TBC1D30: variants seen among roughly 807,000 people sequenced by gnomAD.
TBC1D30 encodes TBC1 domain family, member 30.
TBC1D30 carries 31 observed loss-of-function variants against 63.2 expected under a neutral mutation model. The observed-to-expected ratio is 0.49, with a 90% CI of 0.37 to 0.66. The LOEUF is 0.66. Among genes scored for constraint, TBC1D30 ranks in the 30% least tolerant of loss-of-function variants. The pLI, the probability that TBC1D30 is intolerant of heterozygous loss-of-function variation, is 0.00. For missense variants in TBC1D30, 810 were observed against 953.6 expected, an observed-to-expected ratio of 0.85 and a Z score of 1.98; for synonymous variants, 307 against 361.5, an observed-to-expected ratio of 0.85 and a Z score of 1.71.
At chr12:64,825,754 G>A (rs1473964103) in intron 1 of TBC1D30, among the ~76,000 whole-genome samples, 1 of 152,220 alleles carries the variant, frequency 6.6e-6, no homozygotes, top group Non-Finnish European at 1.5e-5. Flanking sequence ...CCTAGCGCGG[G>A]CTCCTGGGCA....
intron 1 of TBC1D30, chr12:64,768,637 G>C (rs931529): frequency 0.69 from 105,556 of 152,168 alleles, 38,134 homozygotes; most frequent in African/African-American, 0.9. Flanking sequence ...CCTGCCTGGC[G>C]TGCAAATTCA....
At chr12:64,815,833 T>C (rs1267595066) in intron 2 of TBC1D30, among the ~76,000 whole-genome samples, 4 of 151,926 alleles carry the variant, frequency 2.6e-5, no homozygotes, top group African/African-American at 7.3e-5. Flanking sequence ...TCACCAAGGC[T>C]GGTAGTATGG....
At chr12:64,870,211 GT>G (rs1157364689) in intron 10 of TBC1D30, among the ~76,000 whole-genome samples, 1 of 152,170 alleles carries the variant, frequency 6.6e-6, no homozygotes, top group Non-Finnish European at 1.5e-5. Context: ...AACCAATTCT[GT>G]ATAAATCCTC....
chr12:64,845,715 A>C (rs1245046551), intron 8 of TBC1D30, among the ~76,000 whole-genome samples: 3 of 115,580 alleles, frequency 2.6e-5, no homozygotes, highest in Non-Finnish European at 5.4e-5. Flanking sequence ...AACAAGAGTG[A>C]GACTCCGTCT....
upstream of TBC1D30, among the ~76,000 whole-genome samples, chr12:64,779,972 T>C (rs189335183): frequency 1.1e-3 from 168 of 152,334 alleles, no homozygotes; most frequent in Non-Finnish European, 2.0e-3. Flanking sequence ...CGAGTTCTAT[T>C]GAGGTCTAGT....
rs770118592 is a variant in TBC1D30, at chr12:64,875,531, C to A, written c.2029C>A (p.Pro677Thr). ...TGAAACTGAGCTCAGGGTGCACCCACCCTGCCAGCGGCACTGCCCAGAGCC... is the reference window on the plus strand; with the variant it reads ...TGAAACTGAGCTCAGGGTGCACCCAACCTGCCAGCGGCACTGCCCAGAGCC... ...AAETELRVHP[P>T]CQRHCPEPPS... Residue 677 changes from proline to threonine, a missense_variant, in exon 12 of 12, where the codon CCC (proline) becomes ACC (threonine). Pro to Thr is a conservative substitution (Grantham distance 38, BLOSUM62 -1). This residue lies in a region of TBC1D30 where 450 missense variants were observed against 473.0 expected (regional missense o/e 0.95). Transcript: ENST00000539867. The A allele has an allele frequency of 1.3e-5, 20 of 1,536,144 alleles. 2 individuals are homozygous for A. The South Asian group carries it at 2.4e-4, about 18-fold the overall frequency.
Position 64,878,868 on chromosome 12 carries a change from TAGAG to T in TBC1D30, c.*3083_*3086del, listed in dbSNP as rs1328475095. ...AATATGAGTAAGCACAGAGTTTACCTAGAGAGTTTACCTAAAATTAACCTTTAGA... is the reference window on the plus strand; with the variant it reads ...AATATGAGTAAGCACAGAGTTTACCTAGTTTACCTAAAATTAACCTTTAGA... On this transcript the variant is annotated 3_prime_UTR_variant, in exon 12 of 12. Transcript: ENST00000539867. 1 of 184,694 alleles carries T rather than the reference TAGAG, an allele frequency of 5.4e-6. No individual in the cohort carries two copies. Among genetic ancestry groups the T allele is most frequent in the African/African-American group, 2.3e-5 (1 of 43,082 alleles). The allele number at this position is 184,694 out of a possible 1,614,324, so 11.4% of individuals were successfully genotyped here.
intron 1 of TBC1D30, among the ~76,000 whole-genome samples, chr12:64,827,388 G>T (rs1874451520): frequency 6.6e-6 from 1 of 152,214 alleles, no homozygotes; most frequent in African/African-American, 2.4e-5. Context: ...ATCCAAGGCT[G>T]CATTGTGCTA....
At chr12:64,823,505 A>G (rs536899938), upstream of TBC1D30, among the ~76,000 whole-genome samples, 162 of 152,306 alleles carry the variant, frequency 1.1e-3, no homozygotes, top group Non-Finnish European at 2.1e-3. Flanking sequence ...TCTGTTGCTC[A>G]GGCTAGAATG....
At chr12:64,821,959 C>A (rs1873913085), upstream of TBC1D30, among the ~76,000 whole-genome samples, 1 of 152,180 alleles carries the variant, frequency 6.6e-6, no homozygotes. Flanking sequence ...CAGGCAGCTA[C>A]AACTGAATAG....
chr12:64,854,327 C>T (rs1364608283), intron 8 of TBC1D30, among the ~76,000 whole-genome samples: 1 of 152,112 alleles, frequency 6.6e-6, no homozygotes, highest in Admixed American at 6.5e-5. Context: ...GGCAACGTAA[C>T]ACTGGTTGCA....
intron 1 of TBC1D30, among the ~76,000 whole-genome samples, chr12:64,783,437 A>G (rs1270021708): frequency 6.6e-6 from 1 of 152,194 alleles, no homozygotes; most frequent in Non-Finnish European, 1.5e-5. Context: ...GAAGTGCTCA[A>G]CAGATGTTAG....
intron 8 of TBC1D30, among the ~76,000 whole-genome samples, chr12:64,854,658 C>G (rs533213921): frequency 6.6e-6 from 1 of 152,100 alleles, no homozygotes; most frequent in Non-Finnish European, 1.5e-5. Context: ...CCACACCCAA[C>G]TAATTTTTTT....
intron 2 of TBC1D30, among the ~76,000 whole-genome samples, chr12:64,796,534 T>A (rs539402691): frequency 6.6e-6 from 1 of 152,214 alleles, no homozygotes; most frequent in Non-Finnish European, 1.5e-5. Context: ...TGATACAACA[T>A]CAGATAGACA....
chr12:64,856,925 A>G (rs866522540), intron 8 of TBC1D30, among the ~76,000 whole-genome samples: 53 of 152,032 alleles, frequency 3.5e-4, no homozygotes, highest in South Asian at 2.9e-3. Flanking sequence ...GTTTGCTTAA[A>G]GCCCAAGGGC....
intron 2 of TBC1D30, chr12:64,787,433 T>A: frequency 1.1e-6 from 1 of 920,108 alleles, no homozygotes; most frequent in Non-Finnish European, 1.3e-6. Flanking sequence ...CTGTGACAGC[T>A]TTTCAGGCGA....
At chr12:64,836,805 A>G (rs1875403226) in intron 6 of TBC1D30, 147 bp downstream of exon 6, 4 of 859,356 alleles carry the variant, frequency 4.7e-6, no homozygotes, top group Non-Finnish European at 6.8e-6. Context: ...AGAGAATGAA[A>G]ACAAAACTGA....
At chr12:64,828,297 C>G in intron 2 of TBC1D30, 147 bp from the exon 3 acceptor site, 1 of 656,982 alleles carries the variant, frequency 1.5e-6, no homozygotes, top group Non-Finnish European at 2.7e-6. Context: ...GGACTGATCA[C>G]TTCTGTCTGA....
In TBC1D30 at chr12:64,824,827, G is replaced by T. The variant is rs565080845; in HGVS notation, c.-53G>T. The T allele has an allele frequency of 6.6e-7, 1 of 1,519,088 alleles. No individual in the cohort carries two copies. The highest frequency in any genetic ancestry group is 2.5e-5 in the East Asian group (1 of 40,668). 94.1% of individuals were successfully genotyped at this position (1,519,088 alleles called of 1,614,324 possible). ...CGAGCTCAGCCGCTCAGCGAGTGGG[G>T]TAGCGGGGACCGAGACGGACGGTAG... On this transcript the variant is annotated 5_prime_UTR_variant, in exon 1 of 12. Transcript: ENST00000539867.
Sources: allele counts gnomAD v4.1 joint callset (sites outside exome capture counted in the v4.1 genomes callset), GRCh38; gene constraint gnomAD v4.1.1; regional missense constraint gnomAD v4.1.1; transcripts MANE v1.5; gene names NCBI Gene and HGNC (gene_info 2026-07-23, HGNC 2026-07-21).